The following ADAMTS19 variants were observed in gnomAD, a reference collection of about 807,000 sequenced individuals.
The protein encoded by ADAMTS19 is A disintegrin and metalloproteinase with thrombospondin motifs 19.
In ADAMTS19, 93 loss-of-function variants were observed where a neutral mutation model predicts 153.3. The observed-to-expected ratio is 0.61, with a 90% CI of 0.51 to 0.72. The LOEUF (loss-of-function observed/expected upper bound fraction) is 0.72. Ranked by LOEUF, ADAMTS19 falls within the 30% of genes least tolerant of loss-of-function variation. The probability of loss-of-function intolerance (pLI) is 0.00; values close to 1 mark genes in which losing one functional copy is unlikely to be tolerated. For missense variants in ADAMTS19, 1,482 were observed against 1,552.1 expected (o/e 0.95, Z 0.76); for synonymous variants, 600 against 556.6 (o/e 1.08, Z -1.10).
chr5:129,563,378 C>A (rs1753591480), intron 7 of ADAMTS19, among the ~76,000 whole-genome samples: 1 of 152,054 alleles, frequency 6.6e-6, no homozygotes, highest in Admixed American at 6.6e-5. Flanking sequence ...ATTTTTAAGC[C>A]TTTGGACTAG....
At chr5:129,564,701 G>T (rs950475002) in intron 7 of ADAMTS19, among the ~76,000 whole-genome samples, 1 of 152,120 alleles carries the variant, frequency 6.6e-6, no homozygotes, top group African/African-American at 2.4e-5. Flanking sequence ...AGCATATTAA[G>T]GTGATATGGC....
At chr5:129,498,861 T>C (rs530663309) in intron 2 of ADAMTS19, among the ~76,000 whole-genome samples, 29 of 151,940 alleles carry the variant, frequency 1.9e-4, no homozygotes, top group African/African-American at 6.7e-4. Context: ...TTAGAATTTC[T>C]TAAGTGTATT....
intron 7 of ADAMTS19, among the ~76,000 whole-genome samples, chr5:129,586,606 A>G (rs1228099635): frequency 1.3e-5 from 2 of 152,242 alleles, no homozygotes; most frequent in Admixed American, 6.5e-5. Flanking sequence ...TAAAGCTGCT[A>G]TAAACATCCA....
intron 22 of ADAMTS19, among the ~76,000 whole-genome samples, chr5:129,735,451 G>A (rs1176096982): frequency 6.6e-6 from 1 of 151,974 alleles, no homozygotes; most frequent in East Asian, 1.9e-4. Context: ...AGATGAGATT[G>A]TAGTGTAAGC....
At chr5:129,549,591 A>C (rs1440066666) in intron 6 of ADAMTS19, among the ~76,000 whole-genome samples, 2 of 151,682 alleles carry the variant, frequency 1.3e-5, no homozygotes, top group Non-Finnish European at 3.0e-5. Flanking sequence ...GGAAACATCA[A>C]AAAATTATAA....
chr5:129,569,050 C>A (rs1317633664), intron 7 of ADAMTS19, among the ~76,000 whole-genome samples: 3 of 151,836 alleles, frequency 2.0e-5, no homozygotes, highest in African/African-American at 4.8e-5. Flanking sequence ...AATTCAAAGA[C>A]CCCATCTTTG....
At chr5:129,671,825 T>A (rs1007246096) in intron 16 of ADAMTS19, among the ~76,000 whole-genome samples, 7 of 152,120 alleles carry the variant, frequency 4.6e-5, no homozygotes, top group Non-Finnish European at 7.4e-5. Flanking sequence ...ATGAGTTTTT[T>A]AAAAAATCTC....
chr5:129,502,722 C>T (rs1461851472), intron 2 of ADAMTS19, among the ~76,000 whole-genome samples: 2 of 152,110 alleles, frequency 1.3e-5, no homozygotes, highest in East Asian at 1.9e-4. Context: ...GAGTGAATAC[C>T]TGCTCTTCAG....
chr5:129,618,747 A>G (rs978469474), intron 8 of ADAMTS19, among the ~76,000 whole-genome samples: 2 of 152,036 alleles, frequency 1.3e-5, no homozygotes, highest in African/African-American at 4.8e-5. Context: ...TATCTAGACC[A>G]TAACAGAAAA....
At chr5:129,462,685 A>G (rs73240465) in intron 2 of ADAMTS19, among the ~76,000 whole-genome samples, 223 of 152,320 alleles carry the variant, frequency 1.5e-3, no homozygotes, top group African/African-American at 5.0e-3. Context: ...GGTACGTGGC[A>G]TTAAGTACAT....
At chr5:129,610,788 C>G (rs1391687904) in intron 8 of ADAMTS19, among the ~76,000 whole-genome samples, 2 of 152,098 alleles carry the variant, frequency 1.3e-5, no homozygotes, top group African/African-American at 4.8e-5. Flanking sequence ...GATTTATAAT[C>G]CTTTGGGTAT....
At chr5:129,494,555 A>G (rs550427574) in intron 2 of ADAMTS19, among the ~76,000 whole-genome samples, 4 of 152,298 alleles carry the variant, frequency 2.6e-5, no homozygotes, top group East Asian at 1.9e-4. Flanking sequence ...TTCAAAACAT[A>G]TAACTCTAGT....
At position 129,694,903 on chromosome 5, in the gene ADAMTS19, GC is replaced by G. The variant is rs199774680; in HGVS notation, c.2954+49del. ...TAAAGCATTATTTGTCCATTAGATTGCTGTCCTTTAAAACATGCTCAGAATA... is the reference window on the plus strand; with the variant it reads ...TAAAGCATTATTTGTCCATTAGATTGTGTCCTTTAAAACATGCTCAGAATA... On this transcript the variant is annotated intron_variant, in intron 19 of 22. Coordinates refer to ENST00000274487, the MANE Select transcript of ADAMTS19 (RefSeq NM_133638.6). The G allele has an allele frequency of 9.7e-6, 14 of 1,437,724 alleles. No individual in the cohort carries two copies. In the East Asian group the frequency reaches 3.7e-4, roughly 38 times the overall value. The allele number at this position is 1,437,724 out of a possible 1,614,324, so 89.1% of individuals were successfully genotyped here.
chr5:129,686,176 C>A (rs173490), intron 18 of ADAMTS19, among the ~76,000 whole-genome samples: 1 of 151,916 alleles, frequency 6.6e-6, no homozygotes, highest in Non-Finnish European at 1.5e-5. Flanking sequence ...GTACAGCATG[C>A]GAGTGCACTT....
intron 22 of ADAMTS19, 54 bp from the exon 23 acceptor site, chr5:129,737,013 T>C (rs1757694726): frequency 2.1e-6 from 3 of 1,424,574 alleles, no homozygotes; most frequent in East Asian, 5.1e-5. Flanking sequence ...AGTTGGTTTT[T>C]ACTGACATAT....
intron 2 of ADAMTS19, among the ~76,000 whole-genome samples, chr5:129,476,783 A>T (rs1750241353): frequency 6.6e-6 from 1 of 152,216 alleles, no homozygotes; most frequent in Non-Finnish European, 1.5e-5. Flanking sequence ...TTAGTAAAGG[A>T]TAGAAATGCT....
intron 16 of ADAMTS19, among the ~76,000 whole-genome samples, chr5:129,668,795 C>A (rs1561638830): frequency 6.6e-6 from 1 of 152,014 alleles, no homozygotes; most frequent in Non-Finnish European, 1.5e-5. Context: ...ACCATCACAG[C>A]TATTTTTAAG....
intron 15 of ADAMTS19, among the ~76,000 whole-genome samples, chr5:129,663,377 A>G (rs1415662559): frequency 6.6e-6 from 1 of 152,180 alleles, no homozygotes; most frequent in Non-Finnish European, 1.5e-5. Context: ...TCTAGATTCC[A>G]GATGTTACAG....
intron 2 of ADAMTS19, among the ~76,000 whole-genome samples, chr5:129,477,058 A>G (rs907507777): frequency 6.6e-6 from 1 of 152,158 alleles, no homozygotes; most frequent in African/African-American, 2.4e-5. Context: ...ATAGATATAC[A>G]CAGGAAATCT....
Sources: allele counts gnomAD v4.1 joint callset (sites outside exome capture counted in the v4.1 genomes callset), GRCh38; gene constraint gnomAD v4.1.1; transcripts MANE v1.5; gene names NCBI Gene and HGNC (gene_info 2026-07-23, HGNC 2026-07-21).